Variants in TOX3 observed in about 807,000 individuals in gnomAD.
TOX3 encodes the protein CAG trinucleotide repeat-containing gene F9 protein.
Under a neutral mutation model 64.3 loss-of-function variants are expected in TOX3, and 22 were observed. The observed-to-expected ratio is 0.34, with a 90% confidence interval of 0.24 to 0.49. The LOEUF (loss-of-function observed/expected upper bound fraction) is 0.49. Ranked by LOEUF, TOX3 falls within the 20% of genes least tolerant of loss-of-function variation. TOX3 has a pLI of 0.99. For missense variants in TOX3, 661 were observed against 714.4 expected, an observed-to-expected ratio of 0.93 and a Z score of 0.85; for synonymous variants, 291 against 273.6, an observed-to-expected ratio of 1.06 and a Z score of -0.63.
intron 1 of TOX3, among the ~76,000 whole-genome samples, chr16:52,480,424 T>C (rs115969837): frequency 0.01 from 1,568 of 152,294 alleles, 28 homozygotes; most frequent in African/African-American, 0.036. Context: ...GACTTTCTGC[T>C]GAAAACAAAC....
chr16:52,451,736 CA>C (rs773235407), intron 3 of TOX3, among the ~76,000 whole-genome samples: 1 of 152,130 alleles, frequency 6.6e-6, no homozygotes, highest in Non-Finnish European at 1.5e-5. Context: ...AAATGCCACT[CA>C]ATGAGAAGAT....
chr16:52,512,002 C>T (rs141920529), intron 1 of TOX3, among the ~76,000 whole-genome samples: 3 of 152,304 alleles, frequency 2.0e-5, no homozygotes, highest in East Asian at 1.9e-4. Flanking sequence ...TCAAGCACCA[C>T]GTTGCCTATT....
intron 1 of TOX3, among the ~76,000 whole-genome samples, chr16:52,532,393 G>T (rs1962870729): frequency 6.6e-6 from 1 of 152,144 alleles, no homozygotes; most frequent in Non-Finnish European, 1.5e-5. Flanking sequence ...CCGAAATACT[G>T]CCATCATGAA....
At chr16:52,501,991 C>G (rs1175783346) in intron 1 of TOX3, among the ~76,000 whole-genome samples, 1 of 152,186 alleles carries the variant, frequency 6.6e-6, no homozygotes, top group Admixed American at 6.5e-5. Flanking sequence ...AAATACCTCC[C>G]TGCCTCCGCA....
chr16:52,452,310 T>C (rs111510461), intron 3 of TOX3, among the ~76,000 whole-genome samples: 3,597 of 152,300 alleles, frequency 0.024, 127 homozygotes, highest in African/African-American at 0.082. Flanking sequence ...ATTGTTCAAT[T>C]CCCACCTATG....
chr16:52,464,303 A>G, intron 2 of TOX3, 115 bp from the exon 3 acceptor site: 1 of 1,122,948 alleles, frequency 8.9e-7, no homozygotes. Flanking sequence ...TAGGCCAAAT[A>G]TTTATTTCTC....
At position 52,468,588 on chromosome 16, in the gene TOX3, G is replaced by T; in HGVS notation, c.88-14C>A. ...ATTATTTCCAAACTGAAAGAAAACA[G>T]ATTGTTTTACGTTAATATGCGGCAT... On this transcript the variant is annotated splice_polypyrimidine_tract_variant and intron_variant, in intron 1 of 6. Transcript: ENST00000219746. The T allele has an allele frequency of 6.3e-7, 1 of 1,599,336 alleles. No homozygotes were observed. The highest frequency in any genetic ancestry group is 1.7e-4 in the Middle Eastern group (1 of 6,024).
intron 1 of TOX3, among the ~76,000 whole-genome samples, chr16:52,510,140 C>T (rs531452896): frequency 2.2e-5 from 3 of 137,908 alleles, no homozygotes; most frequent in South Asian, 4.6e-4. Context: ...ATAAGCCTTG[C>T]TGTTAAAAAA....
At chr16:52,505,144 T>A (rs901664545) in intron 1 of TOX3, among the ~76,000 whole-genome samples, 2 of 151,994 alleles carry the variant, frequency 1.3e-5, no homozygotes, top group Non-Finnish European at 2.9e-5. Flanking sequence ...AAGAAGAGGG[T>A]CTTTTAAAGA....
intron 1 of TOX3, among the ~76,000 whole-genome samples, chr16:52,485,694 A>G (rs1340159708): frequency 1.3e-5 from 2 of 152,148 alleles, no homozygotes; most frequent in East Asian, 3.8e-4. Flanking sequence ...GAGAATAAAT[A>G]AGAGTGAGCA....
At chr16:52,482,677 GAC>G (rs1195556212) in intron 1 of TOX3, among the ~76,000 whole-genome samples, 1 of 152,036 alleles carries the variant, frequency 6.6e-6, no homozygotes, top group Non-Finnish European at 1.5e-5. Context: ...AGGGAGGGGG[GAC>G]ACACTACTTA....
chr16:52,455,159 T>C (rs1567315144), intron 3 of TOX3, among the ~76,000 whole-genome samples: 1 of 152,140 alleles, frequency 6.6e-6, no homozygotes, highest in Non-Finnish European at 1.5e-5. Context: ...TTCCTTTATA[T>C]AGTTTCCTAA....
At chr16:52,465,213 A>G (rs569425573) in intron 2 of TOX3, among the ~76,000 whole-genome samples, 1 of 150,902 alleles carries the variant, frequency 6.6e-6, no homozygotes, top group Non-Finnish European at 1.5e-5. Flanking sequence ...ACGGGGTTTC[A>G]CCGTGTTAGG....
chr16:52,521,942 T>C (rs936613686), intron 1 of TOX3, among the ~76,000 whole-genome samples: 5 of 152,188 alleles, frequency 3.3e-5, no homozygotes, highest in African/African-American at 9.6e-5. Context: ...GAATCCCAGA[T>C]CAATCACCTC....
intron 1 of TOX3, among the ~76,000 whole-genome samples, chr16:52,525,261 G>T (rs1179161982): frequency 6.6e-6 from 1 of 152,132 alleles, no homozygotes; most frequent in Non-Finnish European, 1.5e-5. Flanking sequence ...TAAGTTTGGG[G>T]AGGGGGGTTC....
At chr16:52,537,696 G>T (rs1962984518) in intron 1 of TOX3, among the ~76,000 whole-genome samples, 1 of 152,012 alleles carries the variant, frequency 6.6e-6, no homozygotes, top group South Asian at 2.1e-4. Context: ...CCACTGGTAT[G>T]CCTACGTGGC....
chr16:52,536,913 T>G (rs28435355), intron 1 of TOX3, among the ~76,000 whole-genome samples: 5,137 of 151,482 alleles, frequency 0.034, 324 homozygotes, highest in African/African-American at 0.12. Context: ...ATATTTTATA[T>G]ATATATGAAT....
At chr16:52,526,563 G>A (rs977873707) in intron 1 of TOX3, among the ~76,000 whole-genome samples, 1 of 152,114 alleles carries the variant, frequency 6.6e-6, no homozygotes, top group African/African-American at 2.4e-5. Context: ...TGGTGGGGGA[G>A]GGCTGGTTAG....
At chr16:52,512,586 G>C (rs1962341216) in intron 1 of TOX3, among the ~76,000 whole-genome samples, 1 of 152,170 alleles carries the variant, frequency 6.6e-6, no homozygotes, top group African/African-American at 2.4e-5. Flanking sequence ...GACAGGCAAA[G>C]GTGGATGGCA....
Sources: gnomAD v4.1 joint callset for allele counts (sites outside exome capture counted in the v4.1 genomes callset) on GRCh38, gnomAD v4.1.1 for gene constraint, MANE v1.5 for transcripts, NCBI Gene and HGNC (gene_info 2026-07-23, HGNC 2026-07-21) for gene names.